EVI5: variants seen among roughly 807,000 people sequenced by gnomAD.
EVI5 encodes the protein ecotropic viral integration site 5 protein homolog.
A neutral mutation model predicts 112.0 loss-of-function variants in EVI5; 73 were observed. The ratio of observed to expected loss-of-function variants is 0.65; its 90% confidence interval spans 0.54 to 0.79. EVI5 has a LOEUF of 0.79. EVI5 is among the 30% of genes least tolerant of loss of function. The probability of loss-of-function intolerance (pLI) is 0.00; values close to 1 mark genes in which losing one functional copy is unlikely to be tolerated. For synonymous variants in EVI5, 305 were observed against 319.9 expected (o/e 0.95, Z 0.50); for missense variants, 900 against 968.8 (o/e 0.93, Z 0.94).
chr1:92,727,081 A>G (rs1305549585), intron 2 of EVI5, among the ~76,000 whole-genome samples: 1 of 152,214 alleles, frequency 6.6e-6, no homozygotes, highest in East Asian at 1.9e-4. Flanking sequence ...TCTCAAAAAC[A>G]TTATGTTGTA....
chr1:92,714,840 C>T (rs1673370592), intron 2 of EVI5, among the ~76,000 whole-genome samples: 1 of 152,138 alleles, frequency 6.6e-6, no homozygotes, highest in Non-Finnish European at 1.5e-5. Context: ...ATTCTCCCAC[C>T]TCGGACTCCC....
Position 92,653,682 on chromosome 1 carries a change from G to A in EVI5, c.1392+9037C>T, listed in dbSNP as rs116527609. On this transcript the variant is annotated intron_variant, in intron 13 of 19. Transcript: ENST00000684568. ...ATCAGTCCACCATATCTAAGCTTGT[G>A]CAAAAGGTGGGACCCCCTCCCCCTC... Among the ~76,000 whole-genome samples, 433 of 152,352 alleles carry A rather than the reference G, an allele frequency of 2.8e-3. 1 individual carries two copies. The highest frequency in any genetic ancestry group is 9.3e-3 in the African/African-American group (387 of 41,588).
intron 19 of EVI5, among the ~76,000 whole-genome samples, chr1:92,517,133 C>A (rs1000402135): frequency 1.3e-5 from 2 of 152,174 alleles, no homozygotes; most frequent in Admixed American, 1.3e-4. Context: ...GACCCACATT[C>A]ATGGATTCAA....
intron 18 of EVI5, among the ~76,000 whole-genome samples, chr1:92,592,994 A>G (rs559274120): frequency 5.3e-5 from 8 of 152,364 alleles, no homozygotes; most frequent in African/African-American, 1.9e-4. Context: ...CAGAGGTACA[A>G]TGAGGAGCTG....
intron 9 of EVI5, among the ~76,000 whole-genome samples, chr1:92,680,940 T>C (rs2102351131): frequency 6.6e-6 from 1 of 151,974 alleles, no homozygotes; most frequent in South Asian, 2.1e-4. Context: ...ACCAAATAGG[T>C]ATTAACACCT....
rs1670170131 is a variant in EVI5, at chr1:92,695,464, G to T, written c.766-11C>A. The T allele has an allele frequency of 1.3e-6, 2 of 1,560,258 alleles. No individual in the cohort carries two copies. Among genetic ancestry groups the T allele is most frequent in the Admixed American group, 3.7e-5 (2 of 53,536 alleles). ...CTCTGGAAGATGCTCCTAAAGAGAAGAAAATAATTAGTTATAACACAGTAA... is the reference window on the plus strand; with the variant it reads ...CTCTGGAAGATGCTCCTAAAGAGAATAAAATAATTAGTTATAACACAGTAA... On this transcript the variant is annotated splice_polypyrimidine_tract_variant and intron_variant, in intron 6 of 19. Coordinates refer to ENST00000684568, the MANE Select transcript of EVI5 (RefSeq NM_001350197.2).
At chr1:92,777,769 G>A (rs944549082) in intron 1 of EVI5, among the ~76,000 whole-genome samples, 31 of 152,188 alleles carry the variant, frequency 2.0e-4, no homozygotes, top group African/African-American at 7.2e-4. Context: ...ACTAAAACAA[G>A]GATAAAGAAA....
At chr1:92,600,504 A>G (rs1648918769) in intron 18 of EVI5, among the ~76,000 whole-genome samples, 1 of 152,212 alleles carries the variant, frequency 6.6e-6, no homozygotes, top group Non-Finnish European at 1.5e-5. Flanking sequence ...GCTGGAGATA[A>G]ATTATGATTC....
intron 16 of EVI5, among the ~76,000 whole-genome samples, chr1:92,610,695 A>G (rs1225424968): frequency 6.6e-6 from 1 of 152,222 alleles, no homozygotes; most frequent in Admixed American, 6.5e-5. Flanking sequence ...GATTAGCTAT[A>G]CTGAAGAAAT....
chr1:92,607,500 T>C, intron 17 of EVI5, 81 bp downstream of exon 17: 1 of 993,812 alleles, frequency 1.0e-6, no homozygotes, highest in Non-Finnish European at 1.4e-6. Context: ...GTTTTTAAGA[T>C]AATCTAATCA....
chr1:92,752,667 G>C (rs1257337613), intron 1 of EVI5, among the ~76,000 whole-genome samples: 1 of 152,034 alleles, frequency 6.6e-6, no homozygotes, highest in Admixed American at 6.6e-5. Context: ...GTGCAGCACA[G>C]CCCTGTTTTC....
chr1:92,728,538 C>T (rs1027240134), intron 2 of EVI5, among the ~76,000 whole-genome samples: 2 of 152,152 alleles, frequency 1.3e-5, no homozygotes, highest in Non-Finnish European at 2.9e-5. Flanking sequence ...CAGGCACCCG[C>T]CACCATGCCC....
chr1:92,609,229 A>G (rs1651171477), intron 16 of EVI5, among the ~76,000 whole-genome samples: 1 of 152,234 alleles, frequency 6.6e-6, no homozygotes, highest in African/African-American at 2.4e-5. Flanking sequence ...AAACTTGGCC[A>G]AGTTATTTAA....
chr1:92,535,709 T>C (rs1342904420), intron 19 of EVI5, among the ~76,000 whole-genome samples: 1 of 151,388 alleles, frequency 6.6e-6, no homozygotes, highest in East Asian at 1.9e-4. Flanking sequence ...AGTTGAACAA[T>C]GAGAACACAT....
intron 1 of EVI5, among the ~76,000 whole-genome samples, chr1:92,790,864 T>C (rs1686047088): frequency 6.6e-6 from 1 of 151,822 alleles, no homozygotes; most frequent in Non-Finnish European, 1.5e-5. Flanking sequence ...ACCTCACCAC[T>C]TTACCACTTT....
chr1:92,764,302 T>C (rs1029893576), intron 1 of EVI5, among the ~76,000 whole-genome samples: 2 of 152,224 alleles, frequency 1.3e-5, no homozygotes, highest in African/African-American at 2.4e-5. Context: ...GCTGATATTT[T>C]TGTGTTATCT....
chr1:92,744,884 T>C (rs1679030923), intron 1 of EVI5, among the ~76,000 whole-genome samples: 1 of 152,148 alleles, frequency 6.6e-6, no homozygotes, highest in Non-Finnish European at 1.5e-5. Context: ...TATTATACAC[T>C]GTCAAAAGTA....
upstream of EVI5, among the ~76,000 whole-genome samples, chr1:92,787,152 T>C (rs1337200358): frequency 6.6e-6 from 1 of 152,224 alleles, no homozygotes; most frequent in African/African-American, 2.4e-5. Context: ...TTCATATTTG[T>C]TAAATATATA....
At chr1:92,732,781 T>C (rs1350670634) in intron 2 of EVI5, among the ~76,000 whole-genome samples, 2 of 150,184 alleles carry the variant, frequency 1.3e-5, no homozygotes, top group African/African-American at 4.9e-5. Context: ...GCACCTGTAA[T>C]CCTAGCTACT....
Sources: allele counts gnomAD v4.1 joint callset (sites outside exome capture counted in the v4.1 genomes callset), GRCh38; gene constraint gnomAD v4.1.1; transcripts MANE v1.5; gene names NCBI Gene and HGNC (gene_info 2026-07-23, HGNC 2026-07-21).